The following AIMP1 variants were observed in gnomAD, a reference collection of about 807,000 sequenced individuals.
AIMP1 encodes aminoacyl tRNA synthetase complex interacting multifunctional protein 1, also known as aminoacyl tRNA synthase complex-interacting multifunctional protein 1.
A neutral mutation model predicts 33.1 loss-of-function variants in AIMP1; 24 were observed. The observed-to-expected ratio is 0.73, with a 90% CI of 0.53 to 1.02. The LOEUF (loss-of-function observed/expected upper bound fraction) is 1.02, where lower values mean the gene tolerates loss of function less well. Ranked by LOEUF, AIMP1 falls within the 50% of genes least tolerant of loss-of-function variation. The pLI is 0.00. For synonymous variants in AIMP1, 120 were observed against 121.5 expected, an observed-to-expected ratio of 0.99 and a Z score of 0.08; for missense variants, 367 against 364.8, an observed-to-expected ratio of 1.01 and a Z score of -0.05.
chr4:106,347,581 T>A lies in AIMP1; in HGVS notation c.828T>A (p.Pro276=). 1 of 1,613,428 alleles carries A rather than the reference T, an allele frequency of 6.2e-7. No individual in the cohort carries two copies. Residue 276 remains proline (P), a synonymous_variant, in exon 7 of 7, where the codon CCT becomes CCA. Coordinates refer to ENST00000672341, the MANE Select transcript of AIMP1 (RefSeq NM_001142416.2). The part of the protein sequence containing the change: ...PKKKIWEQIQ[P]DLHTNDECVA... ...AGAAGATTTGGGAGCAGATCCAGCC[T>A]GATCTTCACACTAATGATGAGTGTG...
chr4:106,318,014 T>C (rs1376970347), intron 1 of AIMP1, among the ~76,000 whole-genome samples: 1 of 152,130 alleles, frequency 6.6e-6, no homozygotes, highest in African/African-American at 2.4e-5. Flanking sequence ...CGATGGTATT[T>C]AGAAATGCAT....
At chr4:106,320,859 G>GC (rs1352749247) in intron 1 of AIMP1, among the ~76,000 whole-genome samples, 5 of 152,128 alleles carry the variant, frequency 3.3e-5, no homozygotes, top group African/African-American at 4.8e-5. Flanking sequence ...TGATTCTCCT[G>GC]CCTCAGTCTG....
At chr4:106,329,615 T>G (rs1352123556) in intron 4 of AIMP1, among the ~76,000 whole-genome samples, 8 of 152,050 alleles carry the variant, frequency 5.3e-5, no homozygotes, top group African/African-American at 1.9e-4. Context: ...AATTTTAAAT[T>G]TAAATTTAAA....
At chr4:106,320,402 GAC>G (rs1769168307) in intron 1 of AIMP1, among the ~76,000 whole-genome samples, 1 of 152,154 alleles carries the variant, frequency 6.6e-6, no homozygotes, top group Non-Finnish European at 1.5e-5. Context: ...CCCAGCACAT[GAC>G]ACAAAATCAG....
chr4:106,340,545 T>C (rs1770057736), intron 6 of AIMP1, among the ~76,000 whole-genome samples: 1 of 152,206 alleles, frequency 6.6e-6, no homozygotes, highest in Non-Finnish European at 1.5e-5. Flanking sequence ...ATACTGTATT[T>C]GATTTCCTGT....
chr4:106,322,295 A>G (rs1240112213), intron 1 of AIMP1, among the ~76,000 whole-genome samples: 1 of 146,776 alleles, frequency 6.8e-6, no homozygotes, highest in East Asian at 2.0e-4. Context: ...ACTAAAAAAA[A>G]TTAAAAAAAA....
intron 1 of AIMP1, among the ~76,000 whole-genome samples, chr4:106,318,657 T>C (rs189125422): frequency 1.9e-4 from 29 of 152,330 alleles, no homozygotes; most frequent in Admixed American, 1.6e-3. Context: ...TTGTGAGATA[T>C]TTGTCATTGC....
chr4:106,348,433 T>C lies in AIMP1; in HGVS notation c.*741T>C, dbSNP rs1477457181. Reference sequence around the variant, plus strand: ...TAAAAGCAGCTATCCTTTTTTTTTTTAATTCTAGCTTCTTTTTAAAGATTA... The same window carrying C: ...TAAAAGCAGCTATCCTTTTTTTTTTCAATTCTAGCTTCTTTTTAAAGATTA... On this transcript the variant is annotated 3_prime_UTR_variant, in exon 7 of 7. Coordinates refer to ENST00000672341, the MANE Select transcript of AIMP1 (RefSeq NM_001142416.2). 6.6e-6 allele frequency: 1 copy of C among 151,804 alleles called. No homozygotes were observed. Among genetic ancestry groups the C allele is most frequent in the African/African-American group, 2.4e-5 (1 of 41,378 alleles). The allele number at this position is 151,804 out of a possible 1,614,324, so 9.4% of individuals were successfully genotyped here.
Position 106,328,139 on chromosome 4 carries a change from T to C in AIMP1, c.287T>C (p.Val96Ala), listed in dbSNP as rs1333408728. Residue 96 changes from valine (V) to alanine (A), a missense_variant, in exon 4 of 7, where the codon GTG (valine) becomes GCG (alanine). By Grantham distance (64) the Val-to-Ala change is moderately conservative (BLOSUM62 0). Transcript: ENST00000672341. ...GCTAATTCTATGGTTTCTGAAAATGTGATACAGTCTACAGCAGTAACAACC... is the reference window on the plus strand; with the variant it reads ...GCTAATTCTATGGTTTCTGAAAATGCGATACAGTCTACAGCAGTAACAACC... ...LHANSMVSENVIQSTAVTTVS... is the reference protein window; with the variant it reads ...LHANSMVSENAIQSTAVTTVS... 1 of 1,613,458 alleles carries C rather than the reference T, an allele frequency of 6.2e-7. No homozygotes were observed. The highest frequency in any genetic ancestry group is 8.5e-7 in the Non-Finnish European group (1 of 1,179,750).
At chr4:106,316,839 C>A in intron 1 of AIMP1, 1 of 483,456 alleles carries the variant, frequency 2.1e-6, no homozygotes, top group Non-Finnish European at 3.7e-6. Context: ...AATATCGATC[C>A]CTAAGCGTAT....
intron 1 of AIMP1, among the ~76,000 whole-genome samples, chr4:106,320,650 G>T (rs1483692173): frequency 1.4e-5 from 2 of 148,078 alleles, no homozygotes; most frequent in Non-Finnish European, 3.0e-5. Context: ...CATCATTAAT[G>T]GGACAGATTA....
chr4:106,325,698 A>G (rs1769426968), intron 2 of AIMP1, among the ~76,000 whole-genome samples: 1 of 151,906 alleles, frequency 6.6e-6, no homozygotes, highest in Non-Finnish European at 1.5e-5. Flanking sequence ...CTTCACCTTT[A>G]TATTATTCTT....
intron 4 of AIMP1, among the ~76,000 whole-genome samples, chr4:106,329,663 C>T (rs1178986867): frequency 6.0e-5 from 9 of 150,360 alleles, no homozygotes; most frequent in African/African-American, 2.0e-4. Flanking sequence ...TTAGACAGTG[C>T]TGGTTATAGA....
Position 106,328,069 on chromosome 4 carries a change from G to A in AIMP1, c.224-7G>A. On this transcript the variant is annotated splice_polypyrimidine_tract_variant and splice_region_variant and intron_variant, in intron 3 of 6. Transcript: ENST00000672341. Reference sequence around the variant, plus strand: ...TATGAATGACATTATTTCATTTTCTGTCTCAGTGAAGCAAATACCATTTCC... The same window carrying A: ...TATGAATGACATTATTTCATTTTCTATCTCAGTGAAGCAAATACCATTTCC... 1 of 1,610,266 alleles carries A rather than the reference G, an allele frequency of 6.2e-7. No individual in the cohort carries two copies. The highest frequency in any genetic ancestry group is 8.5e-7 in the Non-Finnish European group (1 of 1,177,090).
intron 1 of AIMP1, among the ~76,000 whole-genome samples, chr4:106,318,437 T>C (rs1420283762): frequency 1.3e-5 from 2 of 152,148 alleles, no homozygotes; most frequent in African/African-American, 4.8e-5. Flanking sequence ...TATTTTTACA[T>C]ATCCAGTAAT....
intron 6 of AIMP1, among the ~76,000 whole-genome samples, chr4:106,341,173 T>G (rs1020596635): frequency 1.3e-5 from 2 of 152,244 alleles, no homozygotes; most frequent in Admixed American, 1.3e-4. Context: ...ATGCATAGTT[T>G]GCGAATATTT....
chr4:106,344,536 CT>C, intron 6 of AIMP1, among the ~76,000 whole-genome samples: 1 of 152,336 alleles, frequency 6.6e-6, no homozygotes, highest in South Asian at 2.1e-4. Context: ...CATCTCTTTT[CT>C]GCATATTTAC....
chr4:106,319,993 TCTC>T (rs1769153489), intron 1 of AIMP1, among the ~76,000 whole-genome samples: 1 of 152,222 alleles, frequency 6.6e-6, no homozygotes, highest in Non-Finnish European at 1.5e-5. Context: ...CAAGTTTTCT[TCTC>T]TGTATAATGG....
intron 6 of AIMP1, among the ~76,000 whole-genome samples, chr4:106,338,485 G>A (rs181569995): frequency 8.5e-5 from 13 of 152,358 alleles, no homozygotes; most frequent in Admixed American, 2.0e-4. Context: ...TTGCTTCAGA[G>A]AGTGCAAGCC....
Sources: gnomAD v4.1 joint callset for allele counts (sites outside exome capture counted in the v4.1 genomes callset) on GRCh38, gnomAD v4.1.1 for gene constraint, MANE v1.5 for transcripts, NCBI Gene and HGNC (gene_info 2026-07-23, HGNC 2026-07-21) for gene names.